RAC2: variants seen among roughly 807,000 people sequenced by gnomAD.
The protein encoded by RAC2 is Rac family small GTPase 2, also known as ras-related C3 botulinum toxin substrate 2.
Under a neutral mutation model 24.0 loss-of-function variants are expected in RAC2, and 1 was observed. That is an observed-to-expected ratio of 0.04 (90% CI 0.01 to 0.20). The LOEUF (loss-of-function observed/expected upper bound fraction) is 0.20, where lower values mean the gene tolerates loss of function less well. Ranked by LOEUF, RAC2 falls within the 10% of genes least tolerant of loss-of-function variation. The pLI, the probability that RAC2 is intolerant of heterozygous loss-of-function variation, is 1.00. For missense variants in RAC2, 130 were observed against 259.1 expected, an observed-to-expected ratio of 0.50 and a Z score of 3.42; for synonymous variants, 114 against 106.8, an observed-to-expected ratio of 1.07 and a Z score of -0.41.
At chr22:37,233,377 G>A (rs56340942) in intron 2 of RAC2, among the ~76,000 whole-genome samples, 84 of 152,258 alleles carry the variant, frequency 5.5e-4, no homozygotes, top group Middle Eastern at 3.4e-3. Context: ...CTGCCCCCTG[G>A]GTTCAAGTGA....
At chr22:37,240,021 G>C (rs577605155) in intron 2 of RAC2, among the ~76,000 whole-genome samples, 6 of 152,190 alleles carry the variant, frequency 3.9e-5, no homozygotes, top group Non-Finnish European at 8.8e-5. Flanking sequence ...GGCTTTCTAG[G>C]CTCTCTGCTA....
At position 37,231,380 on chromosome 22, in the gene RAC2, T is replaced by G; in HGVS notation, c.299A>C (p.Glu100Ala). The G allele has an allele frequency of 6.2e-7, 1 of 1,613,972 alleles. No individual in the cohort carries two copies. Among genetic ancestry groups the G allele is most frequent in the Non-Finnish European group, 8.5e-7 (1 of 1,179,988 alleles). Residue 100 changes from glutamate (E) to alanine (A), a missense_variant, in exon 5 of 7, where the codon GAA becomes GCA. Physicochemically the swap from Glu to Ala is moderately radical, Grantham distance 107 (BLOSUM62 -1). Transcript: ENST00000249071. The surrounding 1 kb of genome is among the most constrained non-coding windows in gnomAD (Gnocchi z 5.5). Reference sequence around the variant, plus strand: ...TGTGCTGGGGCAGTGGTGCCGCACTTCTGGGAACCACTGGGCAGGTGGGTG... The same window carrying G: ...TGTGCTGGGGCAGTGGTGCCGCACTGCTGGGAACCACTGGGCAGGTGGGTG... Reference protein sequence around the residue: ...YENVRAKWFPEVRHHCPSTPI... With the variant: ...YENVRAKWFPAVRHHCPSTPI...
At chr22:37,239,511 C>T (rs1313767730) in intron 2 of RAC2, among the ~76,000 whole-genome samples, 1 of 152,172 alleles carries the variant, frequency 6.6e-6, no homozygotes. Context: ...CACTAGGGGC[C>T]ACCAGGGATC....
At chr22:37,235,351 C>G (rs564643716) in intron 2 of RAC2, among the ~76,000 whole-genome samples, 2 of 152,306 alleles carry the variant, frequency 1.3e-5, no homozygotes, top group South Asian at 4.1e-4. Flanking sequence ...TGACTTCCCA[C>G]TCTCCTTCCT....
At chr22:37,235,328 A>C (rs1927191868) in intron 2 of RAC2, among the ~76,000 whole-genome samples, 1 of 152,098 alleles carries the variant, frequency 6.6e-6, no homozygotes, top group South Asian at 2.1e-4. Context: ...AAGTGCCTGC[A>C]AACAGTGGCC....
At chr22:37,226,924 C>T (rs1926860432) in intron 5 of RAC2, 121 bp from the exon 6 acceptor site, 4 of 1,270,732 alleles carry the variant, frequency 3.1e-6, no homozygotes, top group Admixed American at 3.8e-5. Context: ...CCATACACCC[C>T]TCCCACGCCA....
chr22:37,231,866 G>C lies in RAC2; in HGVS notation c.288+66C>G, dbSNP rs945351046. ...CCCAGGGACCAGCCTAGAGTCACCA[G>C]TTCCTCCCTCTGTCCCTCAGGGTTA... On this transcript the variant is annotated intron_variant, in intron 4 of 6. Coordinates refer to ENST00000249071, the MANE Select transcript of RAC2 (RefSeq NM_002872.5). This position sits in a 1 kb window ranked among gnomAD's most constrained non-coding sequence, Gnocchi z 5.5. 2 of 1,519,150 alleles carry C rather than the reference G, an allele frequency of 1.3e-6. No homozygotes were observed. The highest frequency in any genetic ancestry group is 1.4e-5 in the African/African-American group (1 of 72,262). The allele number at this position is 1,519,150 out of a possible 1,614,324, so 94.1% of individuals were successfully genotyped here.
At position 37,241,649 on chromosome 22, in the gene RAC2, G is replaced by GC. The variant is rs766066554; in HGVS notation, c.44dup (p.Lys16GlnfsTer23). 6.2e-7 allele frequency: 1 copy of GC among 1,614,014 alleles called. No individual in the cohort carries two copies. The highest frequency in any genetic ancestry group is 8.5e-7 in the Non-Finnish European group (1 of 1,179,852). On this transcript the variant is annotated frameshift_variant, in exon 2 of 7. Transcript: ENST00000249071. LOFTEE classifies it high-confidence loss of function. The stretch of plus-strand genomic sequence containing the variant: ...TGTAGCTGATGAGAAGGCAGGTCTT[G>GC]CCCACGGCCCTGAAAGACAGGAAGT...
intron 2 of RAC2, among the ~76,000 whole-genome samples, chr22:37,238,538 C>T (rs1251956149): frequency 6.6e-6 from 1 of 152,222 alleles, no homozygotes; most frequent in African/African-American, 2.4e-5. Context: ...CGGCGCCCAG[C>T]CTAACTTTCA....
At chr22:37,234,913 C>T (rs1375421051) in intron 2 of RAC2, among the ~76,000 whole-genome samples, 2 of 152,238 alleles carry the variant, frequency 1.3e-5, no homozygotes, top group African/African-American at 2.4e-5. Context: ...TCGTCGTCCT[C>T]TACCTGTAAA....
Position 37,225,696 on chromosome 22 carries a change from G to A in RAC2, c.*346C>T, listed in dbSNP as rs1162116572. On this transcript the variant is annotated 3_prime_UTR_variant, in exon 7 of 7. Coordinates refer to ENST00000249071, the MANE Select transcript of RAC2 (RefSeq NM_002872.5). ...CCATCTGGCCTGCAGTTTCCAGAGG[G>A]GAGTCAGGCGTGGGGTGGGACTGGA... 6.6e-6 allele frequency: 1 copy of A among 152,304 alleles called. No individual in the cohort carries two copies. The highest frequency in any genetic ancestry group is 2.4e-5 in the African/African-American group (1 of 41,432). The allele number at this position is 152,304 out of a possible 1,614,324, so 9.4% of individuals were successfully genotyped here.
At chr22:37,236,140 G>T (rs12170612) in intron 2 of RAC2, among the ~76,000 whole-genome samples, 20,930 of 152,136 alleles carry the variant, frequency 0.14, 1,559 homozygotes, top group East Asian at 0.27. Flanking sequence ...ATGTGGAGGG[G>T]AAAATACCTA....
chr22:37,241,034 G>A (rs1315045950), intron 2 of RAC2: 15 of 718,302 alleles, frequency 2.1e-5, no homozygotes, highest in Admixed American at 1.4e-4. Flanking sequence ...GGGGACCCCT[G>A]AGGGCTGGCC....
intron 2 of RAC2, among the ~76,000 whole-genome samples, chr22:37,238,832 G>C (rs1417942200): frequency 2.0e-5 from 3 of 152,194 alleles, no homozygotes; most frequent in Admixed American, 1.3e-4. Flanking sequence ...CACGAGTCCT[G>C]GCAACTGATT....
chr22:37,231,294 G>A lies in RAC2; in HGVS notation c.385C>T (p.Leu129=). The A allele has an allele frequency of 6.2e-7, 1 of 1,614,116 alleles. No individual in the cohort carries two copies. The highest frequency in any genetic ancestry group is 8.5e-7 in the Non-Finnish European group (1 of 1,180,038). Residue 129 remains leucine (L), a synonymous_variant, in exon 5 of 7, where the codon CTG becomes TTG. Coordinates refer to ENST00000249071, the MANE Select transcript of RAC2 (RefSeq NM_002872.5). The surrounding 1 kb of genome is among the most constrained non-coding windows in gnomAD (Gnocchi z 5.5). ...ATGGGAGCCAGCTTCTTCTCCTTCA[G>A]TTTCTCGATGGTGTCCTTGTCGTCC... The part of the protein sequence containing the change: ...LRDDKDTIEK[L]KEKKLAPITY...
At chr22:37,241,129 C>A (rs746043077) in intron 2 of RAC2, 14 of 778,484 alleles carry the variant, frequency 1.8e-5, no homozygotes, top group Non-Finnish European at 2.6e-5. Flanking sequence ...GACAGCCCTG[C>A]CTCCGCATCC....
chr22:37,231,491 G>T lies in RAC2; in HGVS notation c.289-101C>A. 1.7e-6 allele frequency: 2 copies of T among 1,143,778 alleles called. No individual in the cohort carries two copies. Among genetic ancestry groups the T allele is most frequent in the Non-Finnish European group, 2.6e-6 (2 of 780,084 alleles). 70.9% of individuals were successfully genotyped at this position (1,143,778 alleles called of 1,614,324 possible). A position where few individuals can be genotyped will look rare whatever the true frequency, so the allele number is the denominator to read the frequency against. ...GTGTGAGGGTGTAGGGAGAGGAGAG[G>T]CAGCAAGTTGCCAGAAGATCAGAGG... is the stretch of plus-strand genomic sequence containing the variant. On this transcript the variant is annotated intron_variant, in intron 4 of 6. Coordinates refer to ENST00000249071, the MANE Select transcript of RAC2 (RefSeq NM_002872.5). The surrounding 1 kb of genome is among the most constrained non-coding windows in gnomAD (Gnocchi z 5.5).
chr22:37,242,648 G>A (rs1389316239), intron 1 of RAC2, among the ~76,000 whole-genome samples: 2 of 152,236 alleles, frequency 1.3e-5, no homozygotes, highest in Non-Finnish European at 2.9e-5. Flanking sequence ...TGAATGACTG[G>A]AACGTTAACC....
intron 5 of RAC2, among the ~76,000 whole-genome samples, chr22:37,228,743 G>A (rs1174128223): frequency 6.6e-6 from 1 of 152,328 alleles, no homozygotes; most frequent in African/African-American, 2.4e-5. Context: ...GGGATGGCAG[G>A]AGGGGCAGCC....
Sources: gnomAD v4.1 joint callset for allele counts (sites outside exome capture counted in the v4.1 genomes callset) on GRCh38, gnomAD v4.1.1 for gene constraint, Gnocchi (gnomAD v3.1) non-coding constraint, MANE v1.5 for transcripts, NCBI Gene and HGNC (gene_info 2026-07-23, HGNC 2026-07-21) for gene names.